IFT80: variants seen among roughly 807,000 people sequenced by gnomAD.
IFT80 encodes intraflagellar transport protein 80 homolog.
In IFT80, 79 loss-of-function variants were observed where a neutral mutation model predicts 107.9. The observed-to-expected ratio is 0.73, with a 90% CI of 0.61 to 0.88. The LOEUF is 0.88. IFT80 is among the 40% of genes least tolerant of loss of function. IFT80 has a pLI of 0.00. For missense variants in IFT80, 797 were observed against 914.2 expected (o/e 0.87, Z 1.65); for synonymous variants, 299 against 300.9 (o/e 0.99, Z 0.07).
chr3:160,360,868 T>G (rs1044451093), intron 6 of IFT80, among the ~76,000 whole-genome samples: 1 of 152,092 alleles, frequency 6.6e-6, no homozygotes, highest in Middle Eastern at 3.4e-3. Context: ...GCACTAAACA[T>G]GGAAAGGAAC....
intron 14 of IFT80, among the ~76,000 whole-genome samples, chr3:160,282,271 C>T (rs189481988): frequency 2.1e-4 from 32 of 152,046 alleles, no homozygotes; most frequent in Non-Finnish European, 4.0e-4. Flanking sequence ...CAGAGTGAGA[C>T]CCTGTCTCAA....
chr3:160,387,051 A>C (rs1486895456), intron 1 of IFT80, among the ~76,000 whole-genome samples: 1 of 152,238 alleles, frequency 6.6e-6, no homozygotes, highest in East Asian at 1.9e-4. Flanking sequence ...ATAAGACTGG[A>C]CGCAGTAAGA....
intron 18 of IFT80, among the ~76,000 whole-genome samples, chr3:160,273,102 G>A (rs985730851): frequency 6.6e-6 from 1 of 152,176 alleles, no homozygotes; most frequent in African/African-American, 2.4e-5. Flanking sequence ...GAATGAATGT[G>A]CAGTTGGAAC....
At chr3:160,279,491 C>T (rs1553753440) in intron 15 of IFT80, 127 bp from the exon 16 acceptor site, 3 of 729,812 alleles carry the variant, frequency 4.1e-6, no homozygotes, top group Non-Finnish European at 4.8e-6. Flanking sequence ...GGCACACCCC[C>T]AAAGGTTAAC....
chr3:160,283,846 T>C (rs1714886597), intron 13 of IFT80, among the ~76,000 whole-genome samples: 1 of 152,206 alleles, frequency 6.6e-6, no homozygotes, highest in Non-Finnish European at 1.5e-5. Context: ...ATTTTCCTCT[T>C]GTCAAGTCCT....
chr3:160,306,935 C>T (rs1307388439), intron 10 of IFT80, among the ~76,000 whole-genome samples: 1 of 152,044 alleles, frequency 6.6e-6, no homozygotes, highest in East Asian at 1.9e-4. Flanking sequence ...TAGTCTCCAT[C>T]CTCAATTTTA....
intron 1 of IFT80, among the ~76,000 whole-genome samples, chr3:160,391,198 G>A (rs1713356052): frequency 6.6e-6 from 1 of 152,152 alleles, no homozygotes; most frequent in Non-Finnish European, 1.5e-5. Flanking sequence ...AACACCACCA[G>A]CTTGCCCTTG....
At chr3:160,349,233 A>G (rs1322043314) in intron 8 of IFT80, among the ~76,000 whole-genome samples, 1 of 152,062 alleles carries the variant, frequency 6.6e-6, no homozygotes, top group African/African-American at 2.4e-5. Context: ...GGATCACCTG[A>G]GGTCAGGAGT....
intron 8 of IFT80, among the ~76,000 whole-genome samples, chr3:160,347,048 A>G (rs967467057): frequency 6.6e-6 from 1 of 152,170 alleles, no homozygotes; most frequent in Non-Finnish European, 1.5e-5. Flanking sequence ...CCAGTCATTC[A>G]GGGAACTATG....
At chr3:160,323,748 G>A (rs1718459158) in intron 8 of IFT80, among the ~76,000 whole-genome samples, 1 of 152,000 alleles carries the variant, frequency 6.6e-6, no homozygotes, top group Non-Finnish European at 1.5e-5. Flanking sequence ...ACATTCAAAA[G>A]CTAGCAGAAG....
Position 160,311,119 on chromosome 3 carries a change from T to C in IFT80, c.958-3338A>G, listed in dbSNP as rs184695865. 1.4e-4 allele frequency among the ~76,000 whole-genome samples: 21 copies of C among 152,152 alleles called. No individual in the cohort carries two copies. The East Asian group carries it at 4.0e-3, about 29-fold the overall frequency. On this transcript the variant is annotated intron_variant, in intron 9 of 19. Transcript: ENST00000326448. The stretch of plus-strand genomic sequence containing the variant: ...CAGCCTGGGTGATAAAGTGAGAGCA[T>C]GTCTTGAAAAAATAAATACATAAAT...
At chr3:160,312,520 C>T (rs1358344558) in intron 9 of IFT80, among the ~76,000 whole-genome samples, 1 of 132,494 alleles carries the variant, frequency 7.5e-6, no homozygotes, top group East Asian at 2.1e-4. Context: ...TATTTTTGTT[C>T]TGTTTCTGGT....
chr3:160,274,740 A>C (rs1259226394), intron 18 of IFT80: 1 of 152,216 alleles, frequency 6.6e-6, no homozygotes, highest in Non-Finnish European at 1.5e-5. Flanking sequence ...GGAGTTCGAG[A>C]CCAGCCTGGC....
intron 8 of IFT80, among the ~76,000 whole-genome samples, chr3:160,326,107 A>G (rs1017325062): frequency 8.5e-5 from 13 of 152,218 alleles, no homozygotes; most frequent in African/African-American, 3.1e-4. Flanking sequence ...AAGGTTACCT[A>G]CATAACAAAC....
intron 8 of IFT80, among the ~76,000 whole-genome samples, chr3:160,355,110 A>G (rs990207622): frequency 2.6e-5 from 4 of 152,254 alleles, no homozygotes; most frequent in African/African-American, 9.6e-5. Context: ...TTCAAGTACA[A>G]TGGGTAAATG....
chr3:160,262,940 A>C (rs1320060336), intron 19 of IFT80, among the ~76,000 whole-genome samples: 3 of 152,138 alleles, frequency 2.0e-5, no homozygotes, highest in African/African-American at 7.2e-5. Context: ...CAAGGCAATA[A>C]ATTTAGTTTT....
In IFT80 at chr3:160,366,178, AAGGCTGATAAACTTT is replaced by A. The variant is rs748911159; in HGVS notation, c.440-41_440-27del. On this transcript the variant is annotated intron_variant, in intron 5 of 19. Transcript: ENST00000326448. ...CTGTAAGATGAAAAAAGAAAAAAAA[AAGGCTGATAAACTTT>A]AATTATTATGCCTTATAAAAAGAGA... The A allele has an allele frequency of 4.6e-6, 7 of 1,516,604 alleles. No homozygotes were observed. The East Asian group carries it at 1.6e-4, about 34-fold the overall frequency. The allele number at this position is 1,516,604 out of a possible 1,614,324, so 93.9% of individuals were successfully genotyped here. A position where few individuals can be genotyped will look rare whatever the true frequency, so the allele number is the denominator to read the frequency against.
chr3:160,309,605 T>A (rs1717085024), intron 9 of IFT80, among the ~76,000 whole-genome samples: 1 of 152,110 alleles, frequency 6.6e-6, no homozygotes, highest in Non-Finnish European at 1.5e-5. Flanking sequence ...GAGAATGGCA[T>A]GACCCCGGGA....
chr3:160,374,336 G>A (rs1711814086), intron 5 of IFT80, among the ~76,000 whole-genome samples: 1 of 151,694 alleles, frequency 6.6e-6, no homozygotes, highest in Non-Finnish European at 1.5e-5. Context: ...TTGAGTCCAG[G>A]AGGAGGAGGT....
Sources: gnomAD v4.1 joint callset for allele counts (sites outside exome capture counted in the v4.1 genomes callset) on GRCh38, gnomAD v4.1.1 for gene constraint, MANE v1.5 for transcripts, NCBI Gene and HGNC (gene_info 2026-07-23, HGNC 2026-07-21) for gene names.